SPATA17: variants seen among roughly 807,000 people sequenced by gnomAD.
SPATA17 encodes spermatogenesis-associated protein 17.
In SPATA17, 53 loss-of-function variants were observed where a neutral mutation model predicts 62.2. The observed-to-expected ratio is 0.85, with a 90% CI of 0.68 to 1.07. The LOEUF (loss-of-function observed/expected upper bound fraction) is 1.07. SPATA17 is among the 50% of genes least tolerant of loss of function. The pLI is 0.00. For missense variants in SPATA17, 466 were observed against 425.5 expected (o/e 1.10, Z -0.84); for synonymous variants, 146 against 146.8 (o/e 0.99, Z 0.04).
At chr1:217,768,177 G>A (rs1254026345) in intron 6 of SPATA17, among the ~76,000 whole-genome samples, 5 of 152,024 alleles carry the variant, frequency 3.3e-5, no homozygotes, top group African/African-American at 1.2e-4. Flanking sequence ...CCAGGGAGGC[G>A]GAGGTTGCAG....
At chr1:217,804,341 T>G (rs1451588507) in intron 9 of SPATA17, among the ~76,000 whole-genome samples, 1 of 152,174 alleles carries the variant, frequency 6.6e-6, no homozygotes, top group African/African-American at 2.4e-5. Flanking sequence ...ATGAGAAAAC[T>G]GTATATCCAC....
At chr1:217,769,737 A>T (rs1571793793) in intron 6 of SPATA17, among the ~76,000 whole-genome samples, 1 of 152,248 alleles carries the variant, frequency 6.6e-6, no homozygotes, top group Admixed American at 6.5e-5. Context: ...TTCTGACCAG[A>T]TGTATCCTTT....
intron 6 of SPATA17, among the ~76,000 whole-genome samples, chr1:217,766,271 T>C (rs1285874035): frequency 6.6e-6 from 1 of 152,070 alleles, no homozygotes; most frequent in Non-Finnish European, 1.5e-5. Context: ...TTACACTCTT[T>C]TTCTGTCCTT....
chr1:217,730,913 T>C (rs944722134), intron 5 of SPATA17, among the ~76,000 whole-genome samples: 9 of 152,218 alleles, frequency 5.9e-5, no homozygotes, highest in African/African-American at 1.9e-4. Flanking sequence ...TCACATTTTA[T>C]GATATGTTTA....
chr1:217,779,053 A>G (rs1489255932), intron 7 of SPATA17, among the ~76,000 whole-genome samples: 1 of 151,990 alleles, frequency 6.6e-6, no homozygotes, highest in Non-Finnish European at 1.5e-5. Flanking sequence ...GAAAATATAT[A>G]TGTATAAATG....
intron 6 of SPATA17, among the ~76,000 whole-genome samples, chr1:217,765,562 G>A (rs1329625080): frequency 1.3e-5 from 2 of 151,704 alleles, no homozygotes; most frequent in Non-Finnish European, 2.9e-5. Flanking sequence ...AAGTATTTGG[G>A]AGGTCTCCAG....
At chr1:217,636,413 T>C (rs1669941707) in intron 1 of SPATA17, among the ~76,000 whole-genome samples, 2 of 151,766 alleles carry the variant, frequency 1.3e-5, no homozygotes, top group South Asian at 4.2e-4. Context: ...TATTGACTTA[T>C]TATTATTATT....
chr1:217,765,794 C>T lies in SPATA17; in HGVS notation c.520-8540C>T, dbSNP rs189399868. 1.9e-3 allele frequency among the ~76,000 whole-genome samples: 284 copies of T among 152,132 alleles called. 1 individual carries two copies. The highest frequency in any genetic ancestry group is 6.4e-3 in the African/African-American group (267 of 41,546). On this transcript the variant is annotated intron_variant, in intron 6 of 10. Coordinates refer to ENST00000366933, the MANE Select transcript of SPATA17 (RefSeq NM_138796.4). ...ACTATAATAGTGGATTCATCTATTTCTTCCTACAGCTATCAGATTTTACCT... is the reference window on the plus strand; with the variant it reads ...ACTATAATAGTGGATTCATCTATTTTTTCCTACAGCTATCAGATTTTACCT...
intron 10 of SPATA17, among the ~76,000 whole-genome samples, chr1:217,865,325 G>A (rs935566287): frequency 2.6e-5 from 4 of 152,072 alleles, no homozygotes; most frequent in Non-Finnish European, 4.4e-5. Context: ...CCATCAGTCC[G>A]ATTAGAAATA....
At position 217,814,847 on chromosome 1, in the gene SPATA17, C is replaced by T. The variant is rs118146962; in HGVS notation, c.1005+12997C>T. Among the ~76,000 whole-genome samples the T allele has an allele frequency of 7.0e-4, 107 of 151,892 alleles. 2 individuals are homozygous for T. In the East Asian group the frequency reaches 0.019, roughly 27 times the overall value. ...TGGGTGACAAAGAAATACCTCATCT[C>T]TTAAAAAAATAAAATAAGAAGTTTG... On this transcript the variant is annotated intron_variant, in intron 9 of 10. Coordinates refer to ENST00000366933, the MANE Select transcript of SPATA17 (RefSeq NM_138796.4).
At chr1:217,844,154 C>T (rs1219386277) in intron 9 of SPATA17, among the ~76,000 whole-genome samples, 3 of 152,098 alleles carry the variant, frequency 2.0e-5, no homozygotes, top group Non-Finnish European at 4.4e-5. Flanking sequence ...AAGCAATAGC[C>T]TCAAATCGTA....
intron 9 of SPATA17, among the ~76,000 whole-genome samples, chr1:217,802,968 A>G (rs1321873021): frequency 1.3e-5 from 2 of 152,160 alleles, no homozygotes; most frequent in Admixed American, 6.5e-5. Context: ...GCTGGAGTGC[A>G]ATGGCGCAAT....
chr1:217,669,844 T>C (rs1283897388), intron 4 of SPATA17, among the ~76,000 whole-genome samples: 3 of 152,146 alleles, frequency 2.0e-5, no homozygotes, highest in South Asian at 2.1e-4. Flanking sequence ...GGGTGAACCA[T>C]AGTGGCTAAG....
intron 6 of SPATA17, among the ~76,000 whole-genome samples, chr1:217,770,002 C>T (rs956405779): frequency 1.3e-5 from 2 of 152,126 alleles, no homozygotes; most frequent in African/African-American, 4.8e-5. Context: ...AGTAGTATGT[C>T]CTGATAATTA....
intron 8 of SPATA17, among the ~76,000 whole-genome samples, chr1:217,786,771 C>CT (rs1466261588): frequency 7.5e-6 from 1 of 133,876 alleles, no homozygotes; most frequent in African/African-American, 3.2e-5. Flanking sequence ...TCTTCTTCTT[C>CT]TTCTTCTTCT....
intron 6 of SPATA17, among the ~76,000 whole-genome samples, chr1:217,763,013 C>G (rs866587003): frequency 6.6e-6 from 1 of 152,160 alleles, no homozygotes; most frequent in Non-Finnish European, 1.5e-5. Flanking sequence ...GACAAATGCT[C>G]AGACACATGC....
At chr1:217,835,111 A>G (rs1317320825) in intron 9 of SPATA17, among the ~76,000 whole-genome samples, 2 of 152,182 alleles carry the variant, frequency 1.3e-5, no homozygotes, top group Non-Finnish European at 2.9e-5. Flanking sequence ...TATGATGTTC[A>G]CATAATGAGT....
intron 4 of SPATA17, among the ~76,000 whole-genome samples, chr1:217,675,474 C>G (rs1311974459): frequency 6.6e-6 from 1 of 152,086 alleles, no homozygotes; most frequent in Admixed American, 6.6e-5. Flanking sequence ...TGTTCATTGT[C>G]TTGTAGTATC....
chr1:217,649,098 T>G, intron 2 of SPATA17, 127 bp downstream of exon 2: 1 of 603,032 alleles, frequency 1.7e-6, no homozygotes, highest in Middle Eastern at 4.5e-4. Context: ...GTTGATAAAT[T>G]GTATGTATTT....
Sources: allele counts gnomAD v4.1 joint callset (sites outside exome capture counted in the v4.1 genomes callset), GRCh38; gene constraint gnomAD v4.1.1; transcripts MANE v1.5; gene names NCBI Gene and HGNC (gene_info 2026-07-23, HGNC 2026-07-21).